SDK1: variants seen among roughly 807,000 people sequenced by gnomAD.
The protein encoded by SDK1 is protein sidekick-1.
Under a neutral mutation model 245.5 loss-of-function variants are expected in SDK1, and 157 were observed. That is an observed-to-expected ratio of 0.64 (90% CI 0.56 to 0.73). The LOEUF (loss-of-function observed/expected upper bound fraction) is 0.73, where lower values mean the gene tolerates loss of function less well. Ranked by LOEUF, SDK1 falls within the 30% of genes least tolerant of loss-of-function variation. SDK1 has a pLI of 0.00. For missense variants in SDK1, 3,583 were observed against 3,002.3 expected (o/e 1.19, Z -4.52); for synonymous variants, 1,647 against 1,278.5 (o/e 1.29, Z -6.15).
At position 3,820,253 on chromosome 7, in the gene SDK1, G is replaced by A. The variant is rs114852732; in HGVS notation, c.714-1197G>A. On this transcript the variant is annotated intron_variant, in intron 4 of 44. Coordinates refer to ENST00000404826, the MANE Select transcript of SDK1 (RefSeq NM_152744.4). ...CAGCCTCCGCCTCCCAGGTTCAAGC[G>A]ATTGTTCTGCCTCGGCCTCTGTAGT... 1.2e-3 allele frequency among the ~76,000 whole-genome samples: 176 copies of A among 152,234 alleles called. 2 individuals are homozygous for A. Among genetic ancestry groups the A allele is most frequent in the African/African-American group, 4.1e-3 (169 of 41,544 alleles).
intron 5 of SDK1, among the ~76,000 whole-genome samples, chr7:3,897,807 T>A (rs1781653099): frequency 6.6e-6 from 1 of 152,328 alleles, no homozygotes; most frequent in South Asian, 2.1e-4. Context: ...ATAGTTAATT[T>A]GGGAACTTTG....
intron 1 of SDK1, among the ~76,000 whole-genome samples, chr7:3,601,619 G>C (rs1293181713): frequency 6.6e-6 from 1 of 150,932 alleles, no homozygotes; most frequent in East Asian, 1.9e-4. Context: ...CTTGCTAGAG[G>C]TTTATCAGTT....
At chr7:3,923,786 C>T (rs1305225411) in intron 5 of SDK1, among the ~76,000 whole-genome samples, 1 of 152,210 alleles carries the variant, frequency 6.6e-6, no homozygotes, top group Non-Finnish European at 1.5e-5. Flanking sequence ...TGTACCTCAG[C>T]CCTCAAGCTG....
chr7:3,575,986 C>G (rs530309077), intron 1 of SDK1, among the ~76,000 whole-genome samples: 1 of 152,042 alleles, frequency 6.6e-6, no homozygotes, highest in East Asian at 1.9e-4. Context: ...GGGCTTTCTG[C>G]TCTTGTGAAA....
At chr7:3,986,688 C>G (rs561355575) in intron 13 of SDK1, among the ~76,000 whole-genome samples, 4 of 152,054 alleles carry the variant, frequency 2.6e-5, no homozygotes, top group East Asian at 3.9e-4. Context: ...GTGTGAAACC[C>G]CATCTCTACT....
chr7:3,700,062 GA>G (rs1240530136), intron 4 of SDK1, among the ~76,000 whole-genome samples: 1 of 152,102 alleles, frequency 6.6e-6, no homozygotes, highest in African/African-American at 2.4e-5. Context: ...TTCACTTACT[GA>G]AAGACAAGAA....
At chr7:3,540,280 G>T (rs954816287) in intron 1 of SDK1, among the ~76,000 whole-genome samples, 1 of 152,182 alleles carries the variant, frequency 6.6e-6, no homozygotes, top group Admixed American at 6.5e-5. Context: ...GGTTGCAGTC[G>T]CCTGTAATCT....
chr7:4,104,645 G>A (rs1782787213), intron 22 of SDK1, among the ~76,000 whole-genome samples: 4 of 152,148 alleles, frequency 2.6e-5, no homozygotes, highest in Admixed American at 2.6e-4. Flanking sequence ...TCATTAATGA[G>A]TGAAATAAAT....
At chr7:4,080,821 A>G (rs1380557139) in intron 22 of SDK1, among the ~76,000 whole-genome samples, 1 of 152,188 alleles carries the variant, frequency 6.6e-6, no homozygotes, top group East Asian at 1.9e-4. Context: ...ACAAACCTGC[A>G]CATTGTGCAC....
intron 35 of SDK1, among the ~76,000 whole-genome samples, chr7:4,205,276 C>G (rs931435895): frequency 6.6e-6 from 1 of 152,154 alleles, no homozygotes; most frequent in Admixed American, 6.5e-5. Flanking sequence ...GCTTCATAGC[C>G]AGGGATGCCT....
At chr7:3,659,769 C>T (rs925208745) in intron 4 of SDK1, among the ~76,000 whole-genome samples, 4 of 152,172 alleles carry the variant, frequency 2.6e-5, no homozygotes, top group African/African-American at 4.8e-5. Flanking sequence ...GAAGCTTCTG[C>T]AAATGCCCCG....
Position 3,978,576 on chromosome 7 carries a change from G to C in SDK1, c.1994+4031G>C, listed in dbSNP as rs189200841. Among the ~76,000 whole-genome samples, 19 of 152,236 alleles carry C rather than the reference G, an allele frequency of 1.2e-4. No homozygotes were observed. In the East Asian group the frequency reaches 3.7e-3, roughly 29 times the overall value. ...CTCTATCCCAAACCTGGATGAATTGGGAAAGGTGTTCCTTCATGGGGTGTC... is the reference window on the plus strand; with the variant it reads ...CTCTATCCCAAACCTGGATGAATTGCGAAAGGTGTTCCTTCATGGGGTGTC... On this transcript the variant is annotated intron_variant, in intron 13 of 44. Coordinates refer to ENST00000404826, the MANE Select transcript of SDK1 (RefSeq NM_152744.4).
intron 1 of SDK1, among the ~76,000 whole-genome samples, chr7:3,493,748 C>A (rs912118496): frequency 1.3e-5 from 2 of 152,170 alleles, no homozygotes; most frequent in Admixed American, 1.3e-4. Flanking sequence ...ATTTGATCAT[C>A]CTTTCTCACT....
At chr7:3,503,271 T>G (rs1171980835) in intron 1 of SDK1, among the ~76,000 whole-genome samples, 1 of 152,216 alleles carries the variant, frequency 6.6e-6, no homozygotes, top group Admixed American at 6.5e-5. Flanking sequence ...CATCCCTATT[T>G]GGAAGAATTG....
intron 1 of SDK1, among the ~76,000 whole-genome samples, chr7:3,508,308 A>ATTCTTC (rs202047832): frequency 7.1e-6 from 1 of 140,934 alleles, no homozygotes; most frequent in African/African-American, 2.6e-5. Context: ...TGACATCATC[A>ATTCTTC]TTCTTCTTCT....
chr7:3,793,991 C>T (rs893701566), intron 4 of SDK1, among the ~76,000 whole-genome samples: 1 of 152,200 alleles, frequency 6.6e-6, no homozygotes, highest in African/African-American at 2.4e-5. Flanking sequence ...CCTCCAACCC[C>T]CACATCCTAG....
chr7:4,200,015 A>C (rs971825698), intron 35 of SDK1, among the ~76,000 whole-genome samples: 1 of 152,184 alleles, frequency 6.6e-6, no homozygotes, highest in Non-Finnish European at 1.5e-5. Flanking sequence ...GAATAGCTTG[A>C]ACCCAGGAGG....
chr7:4,181,732 C>T (rs535523540), intron 35 of SDK1, among the ~76,000 whole-genome samples: 2 of 152,282 alleles, frequency 1.3e-5, no homozygotes, highest in East Asian at 3.9e-4. Context: ...ACTTGCTGTG[C>T]CCATGCCACC....
At chr7:3,573,285 A>G (rs1394132447) in intron 1 of SDK1, among the ~76,000 whole-genome samples, 2 of 152,132 alleles carry the variant, frequency 1.3e-5, no homozygotes, top group African/African-American at 4.8e-5. Context: ...CAAGGGACTG[A>G]CAGTATGGCC....
Sources: gnomAD v4.1 joint callset for allele counts (sites outside exome capture counted in the v4.1 genomes callset) on GRCh38, gnomAD v4.1.1 for gene constraint, MANE v1.5 for transcripts, NCBI Gene and HGNC (gene_info 2026-07-23, HGNC 2026-07-21) for gene names.